PTPN3: variants seen among roughly 807,000 people sequenced by gnomAD.
PTPN3 encodes the protein protein tyrosine phosphatase non-receptor type 3.
In PTPN3, 96 loss-of-function variants were observed where a neutral mutation model predicts 132.7. The observed-to-expected ratio is 0.72, with a 90% CI of 0.61 to 0.86. The LOEUF (loss-of-function observed/expected upper bound fraction) is 0.86. Among genes scored for constraint, PTPN3 ranks in the 40% least tolerant of loss-of-function variants. The pLI, the probability that PTPN3 is intolerant of heterozygous loss-of-function variation, is 0.00. For missense variants in PTPN3, 1,125 were observed against 1,159.6 expected (o/e 0.97, Z 0.43); for synonymous variants, 398 against 429.0 (o/e 0.93, Z 0.89).
At chr9:109,452,378 G>A (rs530769058) in intron 5 of PTPN3, among the ~76,000 whole-genome samples, 1 of 151,224 alleles carries the variant, frequency 6.6e-6, no homozygotes, top group South Asian at 2.1e-4. Context: ...TATGTGTACT[G>A]TATTCTGAAA....
In PTPN3 at chr9:109,426,948, A is replaced by G. The variant is rs1230564481; in HGVS notation, c.1001+2T>C. 1 of 1,608,242 alleles carries G rather than the reference A, an allele frequency of 6.2e-7. No homozygotes were observed. Among genetic ancestry groups the G allele is most frequent in the African/African-American group, 1.3e-5 (1 of 74,760 alleles). On this transcript the variant is annotated splice_donor_variant, in intron 12 of 25. Transcript: ENST00000374541. LOFTEE classifies it high-confidence loss of function. ...TGGACACAGTCTTTACAGCACACTC[A>G]CTTTTTGGTGTTCCGAGAGCCCATA...
At chr9:109,480,014 A>G (rs1343247629) in intron 1 of PTPN3, among the ~76,000 whole-genome samples, 1 of 152,188 alleles carries the variant, frequency 6.6e-6, no homozygotes, top group East Asian at 1.9e-4. Flanking sequence ...GATCATAACC[A>G]TTCTAGTAGG....
At chr9:109,511,651 G>A in the PTPN3 span, 3 of 152,970 alleles carry the variant, frequency 2.0e-5, no homozygotes, top group East Asian at 1.9e-4. Context: ...TATCTCAGTC[G>A]AACCCAGAGC....
intron 2 of PTPN3, among the ~76,000 whole-genome samples, chr9:109,459,694 C>G (rs1215790652): frequency 1.3e-5 from 2 of 152,162 alleles, no homozygotes; most frequent in African/African-American, 2.4e-5. Flanking sequence ...AGAATACAGG[C>G]ATTAACCACT....
intron 16 of PTPN3, among the ~76,000 whole-genome samples, chr9:109,408,781 TAAA>T (rs768982568): frequency 0.032 from 2,015 of 62,094 alleles, 66 homozygotes; most frequent in African/African-American, 0.08. Flanking sequence ...TTATAATAAT[TAAA>T]AAAAAAAAAA....
chr9:109,381,681 C>T lies in PTPN3; in HGVS notation c.2635G>A (p.Asp879Asn), dbSNP rs1839102950. The change falls in exon 25 of 26, where the codon GAC becomes AAC. Residue 879 changes from aspartate (D) to asparagine (N), a missense_variant. Transcript: ENST00000374541. ...GTCTGCACCATCATGGCGCGCTGGTCTCGCATTTTTCGGACAATATCCAGT... is the reference window on the plus strand; with the variant it reads ...GTCTGCACCATCATGGCGCGCTGGTTTCGCATTTTTCGGACAATATCCAGT... ...YPLDIVRKMR[D>N]QRAMMVQTSS... The T allele has an allele frequency of 6.2e-7, 1 of 1,614,116 alleles. No homozygotes were observed. The highest frequency in any genetic ancestry group is 8.5e-7 in the Non-Finnish European group (1 of 1,180,038).
intron 5 of PTPN3, among the ~76,000 whole-genome samples, chr9:109,452,446 C>T (rs1413414779): frequency 6.6e-6 from 1 of 151,980 alleles, no homozygotes; most frequent in Non-Finnish European, 1.5e-5. Context: ...GTTAGAACCA[C>T]ACACACGTAC....
chr9:109,413,206 G>A (rs968822155), intron 14 of PTPN3, among the ~76,000 whole-genome samples: 4 of 151,370 alleles, frequency 2.6e-5, no homozygotes, highest in African/African-American at 4.9e-5. Context: ...TGCCCGCCTC[G>A]GCCTCCCAAA....
At chr9:109,487,594 A>C (rs927910624) in intron 1 of PTPN3, among the ~76,000 whole-genome samples, 1 of 152,230 alleles carries the variant, frequency 6.6e-6, no homozygotes, top group Non-Finnish European at 1.5e-5. Context: ...CTATAGTTTG[A>C]GAAACACTGC....
intron 19 of PTPN3, among the ~76,000 whole-genome samples, chr9:109,404,122 T>G (rs986518971): frequency 5.9e-5 from 9 of 152,186 alleles, no homozygotes; most frequent in Non-Finnish European, 1.0e-4. Context: ...CTCCTCAGTT[T>G]CTGGCATGTT....
chr9:109,470,964 T>A (rs972399185), intron 1 of PTPN3, among the ~76,000 whole-genome samples: 6 of 152,104 alleles, frequency 3.9e-5, no homozygotes, highest in African/African-American at 7.2e-5. Context: ...AAACAAAAAA[T>A]AATTTTCTGG....
intron 19 of PTPN3, among the ~76,000 whole-genome samples, chr9:109,403,293 CAATT>C (rs1277405528): frequency 1.3e-5 from 2 of 152,190 alleles, no homozygotes; most frequent in African/African-American, 2.4e-5. Flanking sequence ...ATGCCTTCCT[CAATT>C]ACTCTGCAGT....
intron 19 of PTPN3, among the ~76,000 whole-genome samples, chr9:109,403,063 C>A (rs75964097): frequency 0.029 from 4,445 of 152,230 alleles, 122 homozygotes; most frequent in East Asian, 0.15. Flanking sequence ...GGGTGACAGA[C>A]GCCCTGTCTC....
At chr9:109,423,751 A>G (rs531385912) in intron 12 of PTPN3, among the ~76,000 whole-genome samples, 21 of 152,354 alleles carry the variant, frequency 1.4e-4, no homozygotes, top group Non-Finnish European at 2.4e-4. Context: ...GAGAGAATAG[A>G]GCATGAAGCC....
intron 1 of PTPN3, among the ~76,000 whole-genome samples, chr9:109,468,460 G>A (rs1284896014): frequency 4.6e-5 from 7 of 151,876 alleles, no homozygotes; most frequent in South Asian, 2.1e-4. Flanking sequence ...TCCTCCTCCC[G>A]GGTTCACGCC....
intron 7 of PTPN3, among the ~76,000 whole-genome samples, chr9:109,438,514 C>G (rs1237790164): frequency 1.3e-5 from 2 of 152,172 alleles, no homozygotes; most frequent in African/African-American, 4.8e-5. Flanking sequence ...TGAACCTAGG[C>G]CCTGTTCTAA....
chr9:109,407,498 AAAATT>A (rs1432291319), intron 17 of PTPN3, among the ~76,000 whole-genome samples: 1 of 152,196 alleles, frequency 6.6e-6, no homozygotes, highest in Non-Finnish European at 1.5e-5. Context: ...GCACAATAAA[AAAATT>A]AAACGAAAAA....
chr9:109,460,362 A>T lies in PTPN3; in HGVS notation c.138+2935T>A, dbSNP rs574521760. Among the ~76,000 whole-genome samples the T allele has an allele frequency of 3.3e-5, 5 of 152,188 alleles. No individual in the cohort carries two copies. The South Asian group carries it at 6.2e-4, about 19-fold the overall frequency. ...GTCATCATCTCCGCCCTGGACTGCC[A>T]CACCAGTCTTTCAGCCCCTTCCCTC... On this transcript the variant is annotated intron_variant, in intron 2 of 25. Coordinates refer to ENST00000374541, the MANE Select transcript of PTPN3 (RefSeq NM_002829.4).
intron 1 of PTPN3, among the ~76,000 whole-genome samples, chr9:109,487,431 A>C (rs1847264538): frequency 6.6e-6 from 1 of 152,228 alleles, no homozygotes; most frequent in Non-Finnish European, 1.5e-5. Context: ...CTGGCGTCCG[A>C]ATGAGTGGCA....
Sources: allele counts gnomAD v4.1 joint callset (sites outside exome capture counted in the v4.1 genomes callset), GRCh38; gene constraint gnomAD v4.1.1; transcripts MANE v1.5; gene names NCBI Gene and HGNC (gene_info 2026-07-23, HGNC 2026-07-21).